The following SEMA3E variants were observed in gnomAD, a reference collection of about 807,000 sequenced individuals.
The protein encoded by SEMA3E is semaphorin-3E.
A neutral mutation model predicts 93.6 loss-of-function variants in SEMA3E; 49 were observed. The ratio of observed to expected loss-of-function variants is 0.52; its 90% confidence interval spans 0.42 to 0.66. The LOEUF is 0.66. SEMA3E is among the 30% of genes least tolerant of loss of function. The probability of loss-of-function intolerance (pLI) is 0.00; values close to 1 mark genes in which losing one functional copy is unlikely to be tolerated. For missense variants in SEMA3E, 906 were observed against 964.8 expected, an observed-to-expected ratio of 0.94 and a Z score of 0.81; for synonymous variants, 363 against 330.7, an observed-to-expected ratio of 1.10 and a Z score of -1.06.
chr7:83,580,709 A>C (rs1792502299), intron 1 of SEMA3E, among the ~76,000 whole-genome samples: 1 of 151,950 alleles, frequency 6.6e-6, no homozygotes, highest in African/African-American at 2.4e-5. Context: ...CCTCTATATC[A>C]TAGTACTTAT....
At chr7:83,516,023 T>C (rs1031487854) in intron 1 of SEMA3E, among the ~76,000 whole-genome samples, 2 of 152,082 alleles carry the variant, frequency 1.3e-5, no homozygotes, top group Admixed American at 6.6e-5. Flanking sequence ...TAAGACTCCG[T>C]GTCAAAACAA....
At chr7:83,510,255 C>T (rs1389910763) in intron 1 of SEMA3E, among the ~76,000 whole-genome samples, 8 of 152,158 alleles carry the variant, frequency 5.3e-5, no homozygotes, top group Middle Eastern at 6.8e-3. Flanking sequence ...CTCATAGACC[C>T]TTTTTATAGA....
At chr7:83,492,025 C>T (rs530736921) in intron 1 of SEMA3E, among the ~76,000 whole-genome samples, 1 of 152,058 alleles carries the variant, frequency 6.6e-6, no homozygotes, top group East Asian at 1.9e-4. Context: ...ATCAGGGCTG[C>T]CAAGTGGATT....
At chr7:83,637,515 T>C (rs1793903737) in intron 1 of SEMA3E, among the ~76,000 whole-genome samples, 1 of 152,136 alleles carries the variant, frequency 6.6e-6, no homozygotes, top group South Asian at 2.1e-4. Context: ...ATAATCCCCA[T>C]GTGTCAAGGG....
intron 4 of SEMA3E, among the ~76,000 whole-genome samples, chr7:83,423,306 G>A (rs1165585003): frequency 6.6e-6 from 1 of 152,078 alleles, no homozygotes; most frequent in East Asian, 1.9e-4. Context: ...CATTCTCAGA[G>A]ATGTATGTAT....
chr7:83,580,547 CTTAGTGA>C (rs1562841718), intron 1 of SEMA3E, among the ~76,000 whole-genome samples: 1 of 151,964 alleles, frequency 6.6e-6, no homozygotes, highest in Admixed American at 6.6e-5. Flanking sequence ...TTGGTTGTAA[CTTAGTGA>C]TTATTTTCCA....
At chr7:83,541,916 G>A (rs1166573604) in intron 1 of SEMA3E, among the ~76,000 whole-genome samples, 1 of 152,076 alleles carries the variant, frequency 6.6e-6, no homozygotes, top group African/African-American at 2.4e-5. Flanking sequence ...GCCCTGGAAT[G>A]AGAAGTTTTA....
At chr7:83,370,507 C>T (rs1047372433) in intron 16 of SEMA3E, among the ~76,000 whole-genome samples, 2 of 152,130 alleles carry the variant, frequency 1.3e-5, no homozygotes, top group African/African-American at 4.8e-5. Flanking sequence ...TACCTTATAA[C>T]TGTCTCTTTG....
chr7:83,519,441 T>G (rs1791000995), intron 1 of SEMA3E, among the ~76,000 whole-genome samples: 1 of 152,144 alleles, frequency 6.6e-6, no homozygotes, highest in Admixed American at 6.6e-5. Flanking sequence ...CTTCATTCTC[T>G]AGCATACTGC....
At chr7:83,396,235 T>G (rs1006088852) in intron 12 of SEMA3E, among the ~76,000 whole-genome samples, 1 of 152,186 alleles carries the variant, frequency 6.6e-6, no homozygotes, top group Non-Finnish European at 1.5e-5. Flanking sequence ...TTTAGTAAAT[T>G]ATTTGTATAA....
At position 83,445,724 on chromosome 7, in the gene SEMA3E, A is replaced by AAAAT. The variant is rs144828397; in HGVS notation, c.456+20754_456+20757dup. ...CAAGAGTGAGACTTCATCTCAAATT[A>AAAAT]AAATAAATAAATAAATAAAAAGAGT... On this transcript the variant is annotated intron_variant, in intron 4 of 16. Transcript: ENST00000643230. Among the ~76,000 whole-genome samples, 27 of 152,200 alleles carry AAAAT rather than the reference A, an allele frequency of 1.8e-4. No individual in the cohort carries two copies. In the East Asian group the frequency reaches 4.2e-3, roughly 24 times the overall value.
intron 4 of SEMA3E, among the ~76,000 whole-genome samples, chr7:83,427,200 C>T (rs1788790308): frequency 6.6e-6 from 1 of 151,584 alleles, no homozygotes; most frequent in Admixed American, 6.6e-5. Context: ...TCCTTTCCTT[C>T]TTTTTTTCTT....
chr7:83,472,546 A>G (rs191903712), intron 2 of SEMA3E, among the ~76,000 whole-genome samples: 58 of 152,272 alleles, frequency 3.8e-4, no homozygotes, highest in African/African-American at 1.3e-3. Context: ...CCAGAATGAA[A>G]AAGCTCAGTC....
intron 11 of SEMA3E, among the ~76,000 whole-genome samples, chr7:83,399,807 T>G (rs2115614906): frequency 6.6e-6 from 1 of 152,232 alleles, no homozygotes. Flanking sequence ...ACCATGACAC[T>G]TCTGACAATG....
rs188676770 is a variant in SEMA3E at position 83,517,707 on chromosome 7, T to G, written c.116-27433A>C. Reference sequence around the variant, plus strand: ...AGAAAGGAAAAAGAAAAATAGGGAATGAGGAAAAGACAATCAATGTGTATG... The same window carrying G: ...AGAAAGGAAAAAGAAAAATAGGGAAGGAGGAAAAGACAATCAATGTGTATG... On this transcript the variant is annotated intron_variant, in intron 1 of 16. Transcript: ENST00000643230. Among the ~76,000 whole-genome samples the G allele has an allele frequency of 1.3e-4, 20 of 152,044 alleles. No homozygotes were observed. In the East Asian group the frequency reaches 3.5e-3, roughly 27 times the overall value.
At chr7:83,485,938 TAGAAAGTG>T (rs1362266791) in intron 2 of SEMA3E, among the ~76,000 whole-genome samples, 1 of 152,266 alleles carries the variant, frequency 6.6e-6, no homozygotes, top group East Asian at 1.9e-4. Flanking sequence ...AAGAAATAAA[TAGAAAGTG>T]AGAAAGTGAA....
chr7:83,566,972 T>G (rs215244), intron 1 of SEMA3E, among the ~76,000 whole-genome samples: 68,223 of 152,002 alleles, frequency 0.45, 17,002 homozygotes, highest in African/African-American at 0.68. Flanking sequence ...CCACCTAAAA[T>G]ATATAAATTG....
chr7:83,447,360 C>A (rs1026218940), intron 4 of SEMA3E, among the ~76,000 whole-genome samples: 3 of 151,998 alleles, frequency 2.0e-5, no homozygotes, highest in African/African-American at 7.2e-5. Context: ...TATGGTGAAA[C>A]CCCGTCTCTA....
Position 83,363,886 on chromosome 7 carries a change from TTTTTTTTTTTTTTTTTTTTG to T in SEMA3E, c.*3680_*3699del. ...TTTTTTTTTTTTTTTTTTTTTTTTT[TTTTTTTTTTTTTTTTTTTTG>T]AGACGGAGTCTCGCTCTGTCGCCCA... On this transcript the variant is annotated 3_prime_UTR_variant, in exon 17 of 17. Coordinates refer to ENST00000643230, the MANE Select transcript of SEMA3E (RefSeq NM_012431.3). 9.4e-6 allele frequency: 1 copy of T among 106,506 alleles called. No homozygotes were observed. Among genetic ancestry groups the T allele is most frequent in the African/African-American group, 3.7e-5 (1 of 27,178 alleles). 6.6% of individuals were successfully genotyped at this position (106,506 alleles called of 1,614,324 possible).
Sources: gnomAD v4.1 joint callset for allele counts (sites outside exome capture counted in the v4.1 genomes callset) on GRCh38, gnomAD v4.1.1 for gene constraint, MANE v1.5 for transcripts, NCBI Gene and HGNC (gene_info 2026-07-23, HGNC 2026-07-21) for gene names.